Variants in XYLB observed in about 807,000 individuals in gnomAD.
XYLB encodes xylulose kinase.
A neutral mutation model predicts 78.7 loss-of-function variants in XYLB; 62 were observed. The observed-to-expected ratio is 0.79, with a 90% CI of 0.64 to 0.97. XYLB has a LOEUF of 0.97. Ranked by LOEUF, XYLB falls within the 50% of genes least tolerant of loss-of-function variation. The pLI is 0.00. For synonymous variants in XYLB, 245 were observed against 247.4 expected (o/e 0.99, Z 0.09); for missense variants, 687 against 676.8 (o/e 1.02, Z -0.17).
At chr3:38,447,645 G>T in the XYLB span, among the ~76,000 whole-genome samples, 1 of 152,012 alleles carries the variant, frequency 6.6e-6, no homozygotes, top group Non-Finnish European at 1.5e-5. Context: ...TACACTGTTG[G>T]TGGGAATGTA....
intron 14 of XYLB, 72 bp downstream of exon 14, chr3:38,377,063 A>G: frequency 1.5e-6 from 2 of 1,342,446 alleles, no homozygotes; most frequent in Admixed American, 3.5e-5. Context: ...TTGCCTATCA[A>G]ATTATGTTAC....
intron 15 of XYLB, among the ~76,000 whole-genome samples, chr3:38,388,188 T>C (rs1422396359): frequency 6.6e-6 from 1 of 150,758 alleles, no homozygotes; most frequent in Non-Finnish European, 1.5e-5. Flanking sequence ...TTTTTTTTTT[T>C]TTTACTTTTA....
downstream of XYLB, among the ~76,000 whole-genome samples, chr3:38,419,603 T>TATATATATATATATATATATATAAAA (rs71085322): frequency 1.2e-5 from 1 of 80,888 alleles, no homozygotes; most frequent in African/African-American, 3.3e-5. Context: ...TATATATATA[T>TATATATATATATATATATATATAAAA]AATAGCCATC....
downstream of XYLB, among the ~76,000 whole-genome samples, chr3:38,423,448 A>G (rs1709040064): frequency 6.6e-6 from 1 of 152,200 alleles, no homozygotes; most frequent in Non-Finnish European, 1.5e-5. Flanking sequence ...CGGTTAGACA[A>G]CCTATGGGAG....
At position 38,400,920 on chromosome 3, in the gene XYLB, T is replaced by C; in HGVS notation, c.1468T>C (p.Ser490Pro). 1 of 1,614,188 alleles carries C rather than the reference T, an allele frequency of 6.2e-7. No homozygotes were observed. The highest frequency in any genetic ancestry group is 8.5e-7 in the Non-Finnish European group (1 of 1,180,034). ...GLAGGTDVPF[S>P]EVVKLAPNPR... Reference sequence around the variant, plus strand: ...TGCAGGTGGAACAGATGTGCCCTTTTCAGAGGTTGTGAAGTTAGCTCCAAA... The same window carrying C: ...TGCAGGTGGAACAGATGTGCCCTTTCCAGAGGTTGTGAAGTTAGCTCCAAA... Residue 490 changes from serine to proline, a missense_variant, in exon 18 of 19, where the codon TCA becomes CCA. Coordinates refer to ENST00000207870, the MANE Select transcript of XYLB (RefSeq NM_005108.4).
chr3:38,391,083 G>T (rs1233333016), intron 15 of XYLB, among the ~76,000 whole-genome samples: 1 of 152,114 alleles, frequency 6.6e-6, no homozygotes, highest in East Asian at 1.9e-4. Context: ...GCCAGGCATG[G>T]TGGCGGACGC....
intron 2 of XYLB, among the ~76,000 whole-genome samples, chr3:38,352,966 C>T (rs1018640451): frequency 1.3e-5 from 2 of 152,202 alleles, no homozygotes; most frequent in Non-Finnish European, 2.9e-5. Context: ...CTCCCAACCT[C>T]GTGATCTGCC....
chr3:38,358,059 T>C (rs1705759419), intron 2 of XYLB, among the ~76,000 whole-genome samples: 1 of 151,514 alleles, frequency 6.6e-6, no homozygotes, highest in African/African-American at 2.4e-5. Context: ...CTTCCTACTT[T>C]TTTCCTTTTG....
intron 17 of XYLB, among the ~76,000 whole-genome samples, chr3:38,397,406 G>A (rs1285896207): frequency 4.6e-5 from 7 of 152,170 alleles, no homozygotes; most frequent in Admixed American, 3.3e-4. Flanking sequence ...TCAGAGTTAA[G>A]GTCAGCACAG....
chr3:38,450,168 C>T, the XYLB span, among the ~76,000 whole-genome samples: 1 of 152,068 alleles, frequency 6.6e-6, no homozygotes, highest in South Asian at 2.1e-4. Context: ...CCTAAATTAC[C>T]CACTACAGTG....
At chr3:38,416,488 A>G (rs1019146590), downstream of XYLB, among the ~76,000 whole-genome samples, 3 of 152,238 alleles carry the variant, frequency 2.0e-5, no homozygotes, top group African/African-American at 7.2e-5. Flanking sequence ...GTCCAAGCAT[A>G]TAAGTTAAAT....
At chr3:38,396,784 T>C (rs1707887721) in intron 16 of XYLB, among the ~76,000 whole-genome samples, 1 of 152,196 alleles carries the variant, frequency 6.6e-6, no homozygotes, top group Admixed American at 6.5e-5. Flanking sequence ...TCAGTGCCAT[T>C]TGCTAAACAT....
chr3:38,391,204 A>G (rs1221282417), intron 15 of XYLB, among the ~76,000 whole-genome samples: 1 of 148,200 alleles, frequency 6.7e-6, no homozygotes, highest in Non-Finnish European at 1.5e-5. Flanking sequence ...ACAGAGCGAG[A>G]CTTCATCTCA....
chr3:38,368,403 T>C, intron 8 of XYLB, 146 bp downstream of exon 8: 1 of 703,076 alleles, frequency 1.4e-6, no homozygotes, highest in Non-Finnish European at 2.5e-6. Flanking sequence ...ATTCATTATC[T>C]TTTACCACAT....
chr3:38,416,117 T>A (rs1006882044), downstream of XYLB, among the ~76,000 whole-genome samples: 2 of 152,066 alleles, frequency 1.3e-5, no homozygotes, highest in Admixed American at 6.6e-5. Context: ...GAGATTTGGG[T>A]GGGGACAGAA....
chr3:38,438,492 AT>A, the XYLB span, among the ~76,000 whole-genome samples: 58 of 152,342 alleles, frequency 3.8e-4, no homozygotes, highest in Non-Finnish European at 4.3e-4. Context: ...TGTTCACAGA[AT>A]TAGAAAAAAC....
chr3:38,400,549 C>G (rs963217681), intron 17 of XYLB, among the ~76,000 whole-genome samples: 1 of 152,092 alleles, frequency 6.6e-6, no homozygotes, highest in Admixed American at 6.5e-5. Flanking sequence ...AGAGGAGGGG[C>G]AGGCAGACCC....
intron 2 of XYLB, among the ~76,000 whole-genome samples, chr3:38,351,171 CAAAAAAA>C (rs58457623): frequency 1.8e-3 from 41 of 23,080 alleles, no homozygotes; most frequent in Non-Finnish European, 2.6e-3. Context: ...GAGCCTGTCT[CAAAAAAA>C]AAAAAAAAAA....
At chr3:38,411,379 G>A (rs1367915504) in intron 18 of XYLB, among the ~76,000 whole-genome samples, 5 of 152,010 alleles carry the variant, frequency 3.3e-5, no homozygotes, top group Non-Finnish European at 7.4e-5. Flanking sequence ...GGGGACTGTT[G>A]TGGGGTGGGG....
Sources: allele counts gnomAD v4.1 joint callset (sites outside exome capture counted in the v4.1 genomes callset), GRCh38; gene constraint gnomAD v4.1.1; transcripts MANE v1.5; gene names NCBI Gene and HGNC (gene_info 2026-07-23, HGNC 2026-07-21).